The following GLT1D1 variants were observed in gnomAD, a reference collection of about 807,000 sequenced individuals.
The protein encoded by GLT1D1 is glycosyltransferase 1 domain-containing protein 1.
GLT1D1 carries 21 observed loss-of-function variants against 28.7 expected under a neutral mutation model. The ratio of observed to expected loss-of-function variants is 0.73; its 90% CI spans 0.52 to 1.05. The LOEUF is 1.05. Ranked by LOEUF, GLT1D1 falls within the 50% of genes least tolerant of loss-of-function variation. GLT1D1 has a pLI of 0.00. For synonymous variants in GLT1D1, 147 were observed against 124.8 expected (o/e 1.18, Z -1.19); for missense variants, 343 against 330.6 (o/e 1.04, Z -0.29).
chr12:128,973,122 T>C (rs1879353858), intron 7 of GLT1D1, among the ~76,000 whole-genome samples: 1 of 150,896 alleles, frequency 6.6e-6, no homozygotes, highest in Non-Finnish European at 1.5e-5. Flanking sequence ...TTTTTAAGAA[T>C]CCACATATAG....
chr12:128,879,243 C>T lies in GLT1D1; in HGVS notation c.217+3181C>T, dbSNP rs567426242. On this transcript the variant is annotated intron_variant, in intron 2 of 7. Coordinates refer to ENST00000281703, the MANE Select transcript of GLT1D1 (RefSeq NM_144669.3). ...TGCCATGGTGGTTTGCTGTACAGAT[C>T]ATCCCATCACTTAGGTATTAAGACC... Among the ~76,000 whole-genome samples the T allele has an allele frequency of 5.3e-5, 8 of 152,156 alleles. No homozygotes were observed. In the South Asian group the frequency reaches 1.7e-3, roughly 32 times the overall value.
chr12:128,856,344 G>A (rs1344849121), intron 1 of GLT1D1, among the ~76,000 whole-genome samples: 3 of 152,156 alleles, frequency 2.0e-5, no homozygotes, highest in Non-Finnish European at 2.9e-5. Flanking sequence ...GACTTAGAAT[G>A]CCTTAACCAT....
intron 5 of GLT1D1, among the ~76,000 whole-genome samples, chr12:128,946,075 C>T (rs1399213165): frequency 5.9e-5 from 9 of 152,140 alleles, no homozygotes; most frequent in Non-Finnish European, 1.0e-4. Context: ...GTTTTTTCCC[C>T]ATCTATAATC....
intron 4 of GLT1D1, among the ~76,000 whole-genome samples, chr12:128,919,470 G>T (rs1390265495): frequency 6.6e-6 from 1 of 152,158 alleles, no homozygotes; most frequent in Non-Finnish European, 1.5e-5. Context: ...TCCTCTTCCG[G>T]CATGTCACAG....
intron 6 of GLT1D1, among the ~76,000 whole-genome samples, chr12:128,955,139 G>A (rs1877141078): frequency 6.6e-6 from 1 of 152,144 alleles, no homozygotes; most frequent in Non-Finnish European, 1.5e-5. Flanking sequence ...TCACACCCAG[G>A]CAGGTCAGTT....
rs1489636104 is a variant in GLT1D1 at position 128,888,834 on chromosome 12, G to A, written c.323+90G>A. 9.6e-6 allele frequency: 8 copies of A among 835,864 alleles called. No individual in the cohort carries two copies. The East Asian group carries it at 1.0e-4, about 11-fold the overall frequency. 51.8% of individuals were successfully genotyped at this position (835,864 alleles called of 1,614,324 possible). On this transcript the variant is annotated intron_variant, in intron 3 of 7. Transcript: ENST00000281703. ...CCAAAGACCGAGGGCACCAATTGCC[G>A]GGAAGGTTTACATCTTAGCACTTAA...
rs1157003362 is a variant in GLT1D1, at chr12:128,853,557, C to G, written c.-25C>G. The G allele has an allele frequency of 3.7e-6, 4 of 1,070,552 alleles. No individual in the cohort carries two copies. The highest frequency in any genetic ancestry group is 4.5e-6 in the Non-Finnish European group (4 of 887,448). 66.3% of individuals were successfully genotyped at this position (1,070,552 alleles called of 1,614,324 possible). A position where few individuals can be genotyped will look rare whatever the true frequency, so the allele number is the denominator to read the frequency against. On this transcript the variant is annotated 5_prime_UTR_variant, in exon 1 of 8. Transcript: ENST00000281703. ...CCTGGTCGGCGGCGGCGGGGCCGGTCGATGGCCCGGGCGGCGGCGGCGGCA... is the reference window on the plus strand; with the variant it reads ...CCTGGTCGGCGGCGGCGGGGCCGGTGGATGGCCCGGGCGGCGGCGGCGGCA...
At chr12:128,956,171 A>AAAAAAAAAAAAAAAG (rs374597920) in intron 6 of GLT1D1, among the ~76,000 whole-genome samples, 76 of 63,934 alleles carry the variant, frequency 1.2e-3, no homozygotes, top group African/African-American at 2.7e-3. Flanking sequence ...AAAAAAAAAA[A>AAAAAAAAAAAAAAAG]AGAGAAAGAG....
intron 4 of GLT1D1, among the ~76,000 whole-genome samples, chr12:128,934,062 A>G (rs1295280918): frequency 1.3e-5 from 2 of 152,112 alleles, no homozygotes. Context: ...TTTCTCTGTT[A>G]ACTGCAAAGC....
chr12:128,906,724 T>C (rs916980907), intron 4 of GLT1D1, among the ~76,000 whole-genome samples: 31 of 152,038 alleles, frequency 2.0e-4, no homozygotes, highest in African/African-American at 7.2e-4. Flanking sequence ...TCTTTTTTTT[T>C]TTTTCTTTTT....
intron 6 of GLT1D1, among the ~76,000 whole-genome samples, chr12:128,952,093 G>A (rs1041353161): frequency 6.6e-6 from 1 of 152,114 alleles, no homozygotes; most frequent in East Asian, 1.9e-4. Flanking sequence ...TGGAGATGCC[G>A]CAGCGGACAG....
intron 4 of GLT1D1, among the ~76,000 whole-genome samples, chr12:128,914,723 G>C (rs898978527): frequency 3.9e-5 from 6 of 152,134 alleles, no homozygotes; most frequent in Non-Finnish European, 8.8e-5. Context: ...GGGAGGCTGA[G>C]GCAGGAGAAT....
chr12:128,968,105 C>T (rs1415954397), intron 7 of GLT1D1, among the ~76,000 whole-genome samples: 7 of 152,084 alleles, frequency 4.6e-5, no homozygotes, highest in Admixed American at 2.0e-4. Flanking sequence ...ACATCATTCT[C>T]CTGCCTCAGC....
At position 128,871,255 on chromosome 12, in the gene GLT1D1, T is replaced by C. The variant is rs115013332; in HGVS notation, c.69-4659T>C. ...ATGTTGAATCCTTATTTTTGTGTGATGTATTTTATATTTTTTTAGGCTGAA... is the reference window on the plus strand; with the variant it reads ...ATGTTGAATCCTTATTTTTGTGTGACGTATTTTATATTTTTTTAGGCTGAA... On this transcript the variant is annotated intron_variant, in intron 1 of 7. Transcript: ENST00000281703. Among the ~76,000 whole-genome samples the C allele has an allele frequency of 4.1e-3, 623 of 152,330 alleles. 9 individuals are homozygous for C. Among genetic ancestry groups the C allele is most frequent in the African/African-American group, 0.014 (599 of 41,564 alleles).
intron 1 of GLT1D1, among the ~76,000 whole-genome samples, chr12:128,863,870 C>G (rs113090511): frequency 7.0e-6 from 1 of 143,270 alleles, no homozygotes; most frequent in Non-Finnish European, 1.5e-5. Flanking sequence ...GGCGTGAACC[C>G]GGGAGGTGGA....
intron 7 of GLT1D1, among the ~76,000 whole-genome samples, chr12:128,980,821 C>T (rs1349881246): frequency 6.6e-6 from 1 of 152,184 alleles, no homozygotes; most frequent in Non-Finnish European, 1.5e-5. Context: ...TCAGATTCAT[C>T]GGGGGCGGGG....
At chr12:128,906,491 G>A (rs1277207010) in intron 4 of GLT1D1, among the ~76,000 whole-genome samples, 1 of 152,222 alleles carries the variant, frequency 6.6e-6, no homozygotes, top group African/African-American at 2.4e-5. Context: ...AACCCCTCAT[G>A]CCTGTTTTCA....
chr12:128,885,257 CTT>C (rs1957150080), intron 2 of GLT1D1, among the ~76,000 whole-genome samples: 1 of 152,052 alleles, frequency 6.6e-6, no homozygotes, highest in African/African-American at 2.4e-5. Flanking sequence ...AGTCGAGACT[CTT>C]TCGCCCAGGC....
chr12:128,896,823 C>A (rs1869701906), intron 3 of GLT1D1, among the ~76,000 whole-genome samples: 1 of 151,964 alleles, frequency 6.6e-6, no homozygotes, highest in South Asian at 2.1e-4. Flanking sequence ...GTAAATGATT[C>A]TTTGAGATTG....
Sources: gnomAD v4.1 joint callset for allele counts (sites outside exome capture counted in the v4.1 genomes callset) on GRCh38, gnomAD v4.1.1 for gene constraint, MANE v1.5 for transcripts, NCBI Gene and HGNC (gene_info 2026-07-23, HGNC 2026-07-21) for gene names.